The following CTIF variants were observed in gnomAD, a reference collection of about 807,000 sequenced individuals.
CTIF encodes the protein cap binding complex dependent translation initiation factor.
CTIF carries 21 observed loss-of-function variants against 66.0 expected under a neutral mutation model. That is an observed-to-expected ratio of 0.32 (90% CI 0.23 to 0.46). CTIF has a LOEUF of 0.46. CTIF is among the 20% of genes least tolerant of loss of function. CTIF has a pLI of 1.00. For synonymous variants in CTIF, 345 were observed against 326.4 expected (o/e 1.06, Z -0.62); for missense variants, 739 against 812.7 (o/e 0.91, Z 1.10).
chr18:48,545,815 G>A (rs763353667), intron 1 of CTIF, among the ~76,000 whole-genome samples: 92 of 152,232 alleles, frequency 6.0e-4, no homozygotes, highest in Middle Eastern at 3.4e-3. Context: ...ACCACGGTGA[G>A]GGCTGCTGTA....
chr18:48,615,544 G>A (rs2090383454), intron 1 of CTIF, among the ~76,000 whole-genome samples: 1 of 152,246 alleles, frequency 6.6e-6, no homozygotes, highest in South Asian at 2.1e-4. Context: ...CAAGTGAGGG[G>A]GGCTAGGGAT....
chr18:48,643,783 G>GC (rs2090976520), intron 3 of CTIF, among the ~76,000 whole-genome samples: 1 of 152,086 alleles, frequency 6.6e-6, no homozygotes. Context: ...TGTTTTCTGA[G>GC]CCCCAACAAA....
At chr18:48,775,167 G>C (rs1228774211) in intron 9 of CTIF, among the ~76,000 whole-genome samples, 1 of 152,132 alleles carries the variant, frequency 6.6e-6, no homozygotes, top group East Asian at 1.9e-4. Context: ...ACTCTGGGTG[G>C]ATCTCAAGCG....
intron 9 of CTIF, among the ~76,000 whole-genome samples, chr18:48,814,728 C>T (rs2068326410): frequency 6.6e-6 from 1 of 152,164 alleles, no homozygotes; most frequent in Non-Finnish European, 1.5e-5. Context: ...AGACCCTGAA[C>T]AGCTAGGACC....
intron 6 of CTIF, among the ~76,000 whole-genome samples, chr18:48,693,063 G>A (rs1057097692): frequency 4.6e-5 from 7 of 152,286 alleles, no homozygotes; most frequent in South Asian, 2.1e-4. Flanking sequence ...AGGCCCTTAC[G>A]TGCTTTTCTG....
chr18:48,599,390 T>C (rs974087354), intron 1 of CTIF, among the ~76,000 whole-genome samples: 2 of 151,730 alleles, frequency 1.3e-5, no homozygotes, highest in African/African-American at 4.8e-5. Context: ...AAAAAGAAAA[T>C]ACAGAAACAG....
chr18:48,709,622 G>A (rs1348745858), intron 6 of CTIF, among the ~76,000 whole-genome samples: 5 of 152,228 alleles, frequency 3.3e-5, no homozygotes, highest in East Asian at 1.9e-4. Context: ...GGGCACACCC[G>A]GTGTGTTCCT....
chr18:48,702,090 A>C (rs528038983), intron 6 of CTIF, among the ~76,000 whole-genome samples: 1 of 152,358 alleles, frequency 6.6e-6, no homozygotes, highest in South Asian at 2.1e-4. Context: ...GCAGAATGGG[A>C]TATTAAAAGA....
intron 9 of CTIF, among the ~76,000 whole-genome samples, chr18:48,782,498 G>T (rs1176989651): frequency 6.6e-6 from 1 of 152,206 alleles, no homozygotes; most frequent in South Asian, 2.1e-4. Flanking sequence ...AGCTGGCAGG[G>T]GTGACAAGAC....
At chr18:48,676,031 T>A (rs1486001035) in intron 6 of CTIF, among the ~76,000 whole-genome samples, 2 of 149,604 alleles carry the variant, frequency 1.3e-5, no homozygotes, top group Non-Finnish European at 1.5e-5. Flanking sequence ...CGGCACCCCC[T>A]CCCCCAGGAC....
chr18:48,564,094 C>A (rs1281034855), intron 1 of CTIF, among the ~76,000 whole-genome samples: 1 of 152,210 alleles, frequency 6.6e-6, no homozygotes, highest in East Asian at 1.9e-4. Flanking sequence ...GGGTTTTCCT[C>A]ATTTTCAGGA....
chr18:48,808,748 C>T (rs1422685024), intron 9 of CTIF, among the ~76,000 whole-genome samples: 1 of 152,150 alleles, frequency 6.6e-6, no homozygotes, highest in African/African-American at 2.4e-5. Flanking sequence ...ATCTAGCTCT[C>T]CATTCGGATG....
chr18:48,853,479 C>CT (rs1369615372), intron 10 of CTIF, among the ~76,000 whole-genome samples: 2 of 152,188 alleles, frequency 1.3e-5, no homozygotes, highest in Admixed American at 6.5e-5. Flanking sequence ...GTCACGTGTG[C>CT]AGCCCATACT....
chr18:48,726,333 A>G (rs903291596), intron 7 of CTIF, among the ~76,000 whole-genome samples: 5 of 152,222 alleles, frequency 3.3e-5, no homozygotes, highest in African/African-American at 1.2e-4. Flanking sequence ...TTTCTCCAAG[A>G]CGTAGAGTTT....
intron 1 of CTIF, among the ~76,000 whole-genome samples, chr18:48,604,718 G>A (rs1390913516): frequency 1.3e-5 from 2 of 152,128 alleles, no homozygotes; most frequent in Non-Finnish European, 1.5e-5. Flanking sequence ...TTATAGATAT[G>A]TGTGACCTTT....
intron 9 of CTIF, among the ~76,000 whole-genome samples, chr18:48,766,420 T>G (rs1909546062): frequency 6.6e-6 from 1 of 152,034 alleles, no homozygotes; most frequent in Admixed American, 6.5e-5. Context: ...ATGGTCAGAG[T>G]GGAGGTCTGG....
chr18:48,747,960 CAAAA>C (rs960711890), intron 7 of CTIF, among the ~76,000 whole-genome samples: 1 of 150,360 alleles, frequency 6.7e-6, no homozygotes, highest in Non-Finnish European at 1.5e-5. Flanking sequence ...TATTATTTAA[CAAAA>C]AAAAGGAGGT....
At chr18:48,575,097 G>A (rs919544240) in intron 1 of CTIF, among the ~76,000 whole-genome samples, 2 of 152,190 alleles carry the variant, frequency 1.3e-5, no homozygotes, top group African/African-American at 4.8e-5. Flanking sequence ...CTGGGGGCAG[G>A]GTCCAGGGTG....
intron 1 of CTIF, among the ~76,000 whole-genome samples, chr18:48,545,667 C>G (rs1487370180): frequency 6.6e-6 from 1 of 152,012 alleles, no homozygotes; most frequent in Non-Finnish European, 1.5e-5. Flanking sequence ...GTTCAGTGCT[C>G]CGGTATTGAA....
Sources: gnomAD v4.1 joint callset for allele counts (sites outside exome capture counted in the v4.1 genomes callset) on GRCh38, gnomAD v4.1.1 for gene constraint, MANE v1.5 for transcripts, NCBI Gene and HGNC (gene_info 2026-07-23, HGNC 2026-07-21) for gene names.